DYRK4: variants seen among roughly 807,000 people sequenced by gnomAD.
DYRK4 encodes the protein dual specificity tyrosine-phosphorylation-regulated kinase 4.
Under a neutral mutation model 68.3 loss-of-function variants are expected in DYRK4, and 64 were observed. The observed-to-expected ratio is 0.94, with a 90% CI of 0.77 to 1.15. The LOEUF (loss-of-function observed/expected upper bound fraction) is 1.15. DYRK4 is among the 50% of genes most tolerant of loss of function. The pLI is 0.00. For missense variants in DYRK4, 740 were observed against 764.7 expected (o/e 0.97, Z 0.38); for synonymous variants, 274 against 289.9 (o/e 0.95, Z 0.56).
chr12:4,565,872 A>G (rs903096738), intron 1 of DYRK4, among the ~76,000 whole-genome samples: 1 of 150,890 alleles, frequency 6.6e-6, no homozygotes, highest in Non-Finnish European at 1.5e-5. Context: ...CAGATGATCC[A>G]CCCGCCACGG....
intron 9 of DYRK4, 105 bp downstream of exon 9, chr12:4,599,271 T>TTTTG (rs878909892): frequency 0.019 from 4,377 of 230,138 alleles, 22 homozygotes; most frequent in South Asian, 0.032. Flanking sequence ...TGCCTTTGAC[T>TTTTG]TTTTTTTTTT....
chr12:4,563,176 G>T, intron 1 of DYRK4: 1 of 455,724 alleles, frequency 2.2e-6, no homozygotes, highest in Non-Finnish European at 4.4e-6. Context: ...ACATGTGGTC[G>T]GTATGTAAAA....
At chr12:4,607,500 G>C in intron 12 of DYRK4, 113 bp downstream of exon 12, 1 of 1,171,316 alleles carries the variant, frequency 8.5e-7, no homozygotes, top group Non-Finnish European at 1.2e-6. Context: ...GTGATTAAGA[G>C]CGTCTTTCAG....
rs1251185319 is a variant in DYRK4, at chr12:4,591,672, G to C, written c.463+374G>C. The C allele has an allele frequency of 1.0e-5, 2 of 199,334 alleles. No homozygotes were observed. Among genetic ancestry groups the C allele is most frequent in the African/African-American group, 4.6e-5 (2 of 43,434 alleles). 12.3% of individuals were successfully genotyped at this position (199,334 alleles called of 1,614,324 possible). A position where few individuals can be genotyped will look rare whatever the true frequency, so the allele number is the denominator to read the frequency against. ...CAGGAGTGGAAAGGTACTGAATACT[G>C]AGAGCAGAGCAAAGGGTGCTGAAGC... On this transcript the variant is annotated intron_variant, in intron 5 of 14. Transcript: ENST00000543431. This position sits in a 1 kb window ranked among gnomAD's most constrained non-coding sequence, Gnocchi z 4.1.
chr12:4,586,195 A>G (rs1340934498), intron 2 of DYRK4, among the ~76,000 whole-genome samples: 2 of 152,184 alleles, frequency 1.3e-5, no homozygotes, highest in Non-Finnish European at 2.9e-5. Context: ...CACCTTCTCT[A>G]GAAACAAGAA....
Position 4,613,016 on chromosome 12 carries a change from C to T in DYRK4, c.1666+298C>T, listed in dbSNP as rs1411783069. 8.7e-6 allele frequency: 3 copies of T among 346,362 alleles called. No individual in the cohort carries two copies. Among genetic ancestry groups the T allele is most frequent in the Non-Finnish European group, 1.6e-5 (3 of 187,882 alleles). 21.5% of individuals were successfully genotyped at this position (346,362 alleles called of 1,614,324 possible). On this transcript the variant is annotated intron_variant, in intron 14 of 14. Transcript: ENST00000543431. This position sits in a 1 kb window ranked among gnomAD's most constrained non-coding sequence, Gnocchi z 4.0. ...TGGCATTAGCCTGGATCTTTTTTGC[C>T]CCTTATTAGGATTTTCCATTTTTCT...
At chr12:4,606,293 G>GCTGGCTATCTATCTATCTAT (rs149226177) in intron 11 of DYRK4, among the ~76,000 whole-genome samples, 1 of 151,034 alleles carries the variant, frequency 6.6e-6, no homozygotes, top group African/African-American at 2.4e-5. Flanking sequence ...TGGCTGGCTG[G>GCTGGCTATCTATCTATCTAT]CTATCTATCT....
Position 4,592,766 on chromosome 12 carries a change from C to T in DYRK4, c.464-236C>T, listed in dbSNP as rs564923826. ...CCCCCAGGTGTTTGGGAACTGAGCT[C>T]TCTGTTCCCCTGTCCTTGTGTTCCT... On this transcript the variant is annotated intron_variant, in intron 5 of 14. Transcript: ENST00000543431. The T allele has an allele frequency of 4.1e-4, 178 of 434,944 alleles. 1 individual carries two copies. The South Asian group carries it at 5.5e-3, about 14-fold the overall frequency. The allele number at this position is 434,944 out of a possible 1,614,324, so 26.9% of individuals were successfully genotyped here.
chr12:4,569,277 T>C (rs1276241273), intron 2 of DYRK4, among the ~76,000 whole-genome samples: 1 of 152,204 alleles, frequency 6.6e-6, no homozygotes, highest in Non-Finnish European at 1.5e-5. Flanking sequence ...AAAATAAAAA[T>C]TACTGTAAAA....
Position 4,607,318 on chromosome 12 carries a change from CTTA to C in DYRK4, c.1300-5_1300-3del, listed in dbSNP as rs1945164270. On this transcript the variant is annotated splice_polypyrimidine_tract_variant and splice_region_variant and intron_variant, in intron 11 of 14. Transcript: ENST00000543431. ...CAAAGAATGAACCAATTGAATTATC[CTTA>C]TTAAGGTGCTGGGTCTGCCGCCAGC... The C allele has an allele frequency of 5.0e-6, 8 of 1,614,150 alleles. No individual in the cohort carries two copies. Among genetic ancestry groups the C allele is most frequent in the Non-Finnish European group, 6.8e-6 (8 of 1,180,006 alleles).
intron 2 of DYRK4, among the ~76,000 whole-genome samples, chr12:4,587,490 C>T (rs745858381): frequency 6.6e-6 from 1 of 152,144 alleles, no homozygotes; most frequent in African/African-American, 2.4e-5. Context: ...GTCTCCCTAC[C>T]GCATCCTCAA....
At chr12:4,596,565 G>A (rs1214010960) in intron 7 of DYRK4, 24 bp from the exon 8 acceptor site, 3 of 1,608,076 alleles carry the variant, frequency 1.9e-6, no homozygotes, top group Non-Finnish European at 2.5e-6. Flanking sequence ...TTCCCACCCT[G>A]CCGGCCACTC....
At chr12:4,569,896 C>T (rs1013031321) in intron 2 of DYRK4, among the ~76,000 whole-genome samples, 10 of 152,022 alleles carry the variant, frequency 6.6e-5, no homozygotes, top group South Asian at 4.2e-4. Flanking sequence ...GTTACGATGA[C>T]GGGAATTGTC....
intron 2 of DYRK4, among the ~76,000 whole-genome samples, chr12:4,573,671 GT>G (rs1209113609): frequency 6.6e-6 from 1 of 152,112 alleles, no homozygotes; most frequent in Non-Finnish European, 1.5e-5. Context: ...TTTCAACAGT[GT>G]TGAGGGGGTC....
rs965297175 is a variant in DYRK4, at chr12:4,610,211, G to C, written c.1417G>C (p.Asp473His). 1.2e-6 allele frequency: 2 copies of C among 1,602,102 alleles called. No homozygotes were observed. Among genetic ancestry groups the C allele is most frequent in the Non-Finnish European group, 1.7e-6 (2 of 1,175,352 alleles). Residue 473 changes from aspartate to histidine, a missense_variant, in exon 13 of 15, where the codon GAT becomes CAT. Coordinates refer to ENST00000543431, the MANE Select transcript of DYRK4 (RefSeq NM_001394779.1). ...TNNRGKKRYP[D>H]SKDLTMVLKT... ...CAACAGGGGGAAAAAAAGATACCCA[G>C]ATTCCAAGGACCTCACGATGGTGCT...
At position 4,591,140 on chromosome 12, in the gene DYRK4, A is replaced by C. The variant is rs1944949757; in HGVS notation, c.325-20A>C. On this transcript the variant is annotated intron_variant, in intron 4 of 14. Coordinates refer to ENST00000543431, the MANE Select transcript of DYRK4 (RefSeq NM_001394779.1). The surrounding 1 kb of genome is among the most constrained non-coding windows in gnomAD (Gnocchi z 4.1). Reference sequence around the variant, plus strand: ...AGAGTCCTAAGTAGTTATTTATTGCAAACCTCTTTTCCTGGACAGGAGAAT... The same window carrying C: ...AGAGTCCTAAGTAGTTATTTATTGCCAACCTCTTTTCCTGGACAGGAGAAT... The C allele has an allele frequency of 1.9e-6, 3 of 1,612,850 alleles. No homozygotes were observed.
At chr12:4,583,044 G>C (rs1944859929) in intron 2 of DYRK4, among the ~76,000 whole-genome samples, 1 of 152,202 alleles carries the variant, frequency 6.6e-6, no homozygotes, top group Non-Finnish European at 1.5e-5. Flanking sequence ...AACTAGGGAT[G>C]TGGTGGGCAA....
In DYRK4 at chr12:4,613,547, A is replaced by C; in HGVS notation, c.1699A>C (p.Lys567Gln). 5 of 1,613,922 alleles carry C rather than the reference A, an allele frequency of 3.1e-6. No homozygotes were observed. Among genetic ancestry groups the C allele is most frequent in the Non-Finnish European group, 4.2e-6 (5 of 1,179,778 alleles). ...EITKETTEKT[K>Q]DSPTKHVQHS... Reference sequence around the variant, plus strand: ...CACCAAAGAGACTACAGAGAAAACAAAAGATAGCCCCACGAAGCATGTTCA... The same window carrying C: ...CACCAAAGAGACTACAGAGAAAACACAAGATAGCCCCACGAAGCATGTTCA... Residue 567 changes from lysine (K) to glutamine (Q), a missense_variant, in exon 15 of 15, where the codon AAA (lysine) becomes CAA (glutamine). Transcript: ENST00000543431. This position sits in a 1 kb window ranked among gnomAD's most constrained non-coding sequence, Gnocchi z 4.0.
At chr12:4,568,172 G>A (rs1054469503) in intron 2 of DYRK4, 124 bp downstream of exon 2, 1 of 900,762 alleles carries the variant, frequency 1.1e-6, no homozygotes, top group Admixed American at 2.6e-5. Context: ...CAAAGGTGTG[G>A]AGGATCATGC....
Sources: gnomAD v4.1 joint callset for allele counts (sites outside exome capture counted in the v4.1 genomes callset) on GRCh38, gnomAD v4.1.1 for gene constraint, Gnocchi (gnomAD v3.1) non-coding constraint, MANE v1.5 for transcripts, NCBI Gene and HGNC (gene_info 2026-07-23, HGNC 2026-07-21) for gene names.